Variants in DCHS1 observed in about 807,000 individuals in gnomAD.
DCHS1 encodes the protein protocadherin-16.
In DCHS1, 78 loss-of-function variants were observed where a neutral mutation model predicts 213.9. The observed-to-expected ratio is 0.36, with a 90% CI of 0.30 to 0.44. The LOEUF (loss-of-function observed/expected upper bound fraction) is 0.44. Ranked by LOEUF, DCHS1 falls within the 20% of genes least tolerant of loss-of-function variation. The pLI is 1.00. For synonymous variants in DCHS1, 1,828 were observed against 1,873.7 expected, an observed-to-expected ratio of 0.98 and a Z score of 0.63; for missense variants, 3,946 against 4,395.9, an observed-to-expected ratio of 0.90 and a Z score of 2.89.
intron 1 of DCHS1, among the ~76,000 whole-genome samples, chr11:6,654,552 G>A (rs1008039814): frequency 6.6e-6 from 1 of 152,118 alleles, no homozygotes; most frequent in Non-Finnish European, 1.5e-5. Flanking sequence ...GTGGGTGTGT[G>A]TTGTCATGAG....
At position 6,630,759 on chromosome 11, in the gene DCHS1, C is replaced by T. The variant is rs1157517255; in HGVS notation, c.4035G>A (p.Leu1345=). The change falls in exon 10 of 21, where the codon CTG becomes CTA. Residue 1345 remains leucine (L), a synonymous_variant. Transcript: ENST00000299441. ...CCGAGCCCAACAGAGAGCCGGGCCG[C>T]AGTCCCTCAGCTGCTGTCACCGTCA... The part of the protein sequence containing the change: ...VVLTVTAAEG[L]RPGSLLGSVA... The T allele has an allele frequency of 1.9e-6, 3 of 1,546,532 alleles. No individual in the cohort carries two copies. In the South Asian group the frequency reaches 3.6e-5, roughly 18 times the overall value.
chr11:6,643,617 C>T (rs1589962058), intron 1 of DCHS1, among the ~76,000 whole-genome samples: 1 of 152,142 alleles, frequency 6.6e-6, no homozygotes, highest in Admixed American at 6.5e-5. Context: ...TGGTGCTTTT[C>T]GGGGTTCAGT....
intron 9 of DCHS1, 44 bp from the exon 10 acceptor site, chr11:6,630,907 G>C: frequency 6.7e-7 from 1 of 1,495,802 alleles, no homozygotes; most frequent in South Asian, 1.3e-5. Flanking sequence ...GAGGGCCCGT[G>C]TAAAAGGGGA....
Position 6,621,468 on chromosome 11 carries a change from CAATA to C in DCHS1, c.*307_*310del, listed in dbSNP as rs1370366763. On this transcript the variant is annotated 3_prime_UTR_variant, in exon 21 of 21. Transcript: ENST00000299441. ...GGGACCTCCTCCATCCCCCTACCCC[CAATA>C]AATAAAGTCTCAGCTCCATCTCAGG... 3 of 479,328 alleles carry C rather than the reference CAATA, an allele frequency of 6.3e-6. No individual in the cohort carries two copies. The highest frequency in any genetic ancestry group is 2.0e-5 in the African/African-American group (1 of 51,130). The allele number at this position is 479,328 out of a possible 1,614,324, so 29.7% of individuals were successfully genotyped here.
In DCHS1 at chr11:6,641,793, C is replaced by G; in HGVS notation, c.-120-60G>C. ...AGGAGGGATCAGCAGTCCAGATAAC[C>G]TGGACGAGGCCACATCAACATTCAG... On this transcript the variant is annotated intron_variant, in intron 1 of 20. Transcript: ENST00000299441. This position sits in a 1 kb window ranked among gnomAD's most constrained non-coding sequence, Gnocchi z 7.1. The G allele has an allele frequency of 7.4e-7, 1 of 1,353,446 alleles. No homozygotes were observed. 83.8% of individuals were successfully genotyped at this position (1,353,446 alleles called of 1,614,324 possible).
Position 6,630,714 on chromosome 11 carries a change from C to A in DCHS1, c.4080G>T (p.Ala1360=). 1 of 1,544,220 alleles carries A rather than the reference C, an allele frequency of 6.5e-7. No homozygotes were observed. The highest frequency in any genetic ancestry group is 8.7e-7 in the Non-Finnish European group (1 of 1,147,764). Residue 1360 remains alanine (A), a synonymous_variant, in exon 10 of 21, where the codon GCG becomes GCT. Transcript: ENST00000299441. The stretch of plus-strand genomic sequence containing the variant: ...GTGTGTAGGTGAGTGCACCCACACC[C>A]GCGGGCTCTGGCGCTGCCACCGAGC... The part of the protein sequence containing the change: ...LLGSVAAPEP[A]GVGALTYTLV...
intron 1 of DCHS1, among the ~76,000 whole-genome samples, chr11:6,650,142 T>C (rs1405187039): frequency 6.6e-6 from 1 of 152,206 alleles, no homozygotes; most frequent in Admixed American, 6.5e-5. Context: ...TCCTTCTTTC[T>C]CTCTCACCAT....
intron 10 of DCHS1, 21 bp downstream of exon 10, chr11:6,629,978 A>G: frequency 6.3e-7 from 1 of 1,584,922 alleles, no homozygotes. Context: ...CCTCGCCCTC[A>G]CTCCCAGACC....
Position 6,621,574 on chromosome 11 carries a change from G to C in DCHS1, c.*205C>G. 1 of 713,704 alleles carries C rather than the reference G, an allele frequency of 1.4e-6. No individual in the cohort carries two copies. The highest frequency in any genetic ancestry group is 1.5e-5 in the South Asian group (1 of 66,800). 44.2% of individuals were successfully genotyped at this position (713,704 alleles called of 1,614,324 possible). A position where few individuals can be genotyped will look rare whatever the true frequency, so the allele number is the denominator to read the frequency against. Reference sequence around the variant, plus strand: ...CTCCTTCATATTTCTCCCCACATTGGACCTGGTCACAGGTCAGTGAGCAAC... The same window carrying C: ...CTCCTTCATATTTCTCCCCACATTGCACCTGGTCACAGGTCAGTGAGCAAC... On this transcript the variant is annotated 3_prime_UTR_variant, in exon 21 of 21. Coordinates refer to ENST00000299441, the MANE Select transcript of DCHS1 (RefSeq NM_003737.4).
rs1855736930 is a variant in DCHS1 at position 6,623,339 on chromosome 11, T to C, written c.8337A>G (p.Glu2779=). 1 of 1,595,960 alleles carries C rather than the reference T, an allele frequency of 6.3e-7. No homozygotes were observed. Among genetic ancestry groups the C allele is most frequent in the Non-Finnish European group, 8.5e-7 (1 of 1,171,180 alleles). Residue 2779 remains glutamate (E), a synonymous_variant, in exon 21 of 21, where the codon GAA becomes GAG. Transcript: ENST00000299441. ...CAGCACCCACCAGCAGCCGGAAGCTTTCTGTGTGCTCATAGTCAAAGGGCA... is the reference window on the plus strand; with the variant it reads ...CAGCACCCACCAGCAGCCGGAAGCTCTCTGTGTGCTCATAGTCAAAGGGCA... ...ARVPFDYEHT[E]SFRLLVGAAD... is the part of the protein sequence containing the mutation.
At chr11:6,653,692 T>C (rs1161200020) in intron 1 of DCHS1, among the ~76,000 whole-genome samples, 1 of 152,164 alleles carries the variant, frequency 6.6e-6, no homozygotes, top group Non-Finnish European at 1.5e-5. Context: ...GAAATCATTC[T>C]AGTTAGGGGC....
intron 11 of DCHS1, 33 bp downstream of exon 11, chr11:6,629,639 A>G: frequency 6.2e-7 from 1 of 1,612,632 alleles, no homozygotes; most frequent in Non-Finnish European, 8.5e-7. Flanking sequence ...GCCCCAGTCC[A>G]TCCCACTCAT....
Position 6,630,220 on chromosome 11 carries a change from C to T in DCHS1, c.4574G>A (p.Arg1525His), listed in dbSNP as rs774514647. 3 of 1,561,496 alleles carry T rather than the reference C, an allele frequency of 1.9e-6. No homozygotes were observed. The highest frequency in any genetic ancestry group is 2.6e-6 in the Non-Finnish European group (3 of 1,155,802). Reference sequence around the variant, plus strand: ...GCGCGCTGAAACGCGCGCTGCACGACGGCGGCTGGCGTTGGCGGGCCGGTC... The same window carrying T: ...GCGCGCTGAAACGCGCGCTGCACGATGGCGGCTGGCGTTGGCGGGCCGGTC... ...ATDRPANASR[R>H]RAARVSARVF... is the part of the protein sequence containing the mutation. The change falls in exon 10 of 21, where the codon CGT becomes CAT. Residue 1525 changes from arginine to histidine, a missense_variant. Physicochemically the swap from Arg to His is conservative, Grantham distance 29 (BLOSUM62 0). Transcript: ENST00000299441.
rs1408939134 is a variant in DCHS1, at chr11:6,641,680, C to A, written c.-67G>T. 1.4e-6 allele frequency: 2 copies of A among 1,474,358 alleles called. No individual in the cohort carries two copies. The highest frequency in any genetic ancestry group is 2.8e-5 in the African/African-American group (2 of 70,874). The allele number at this position is 1,474,358 out of a possible 1,614,324, so 91.3% of individuals were successfully genotyped here. A position where few individuals can be genotyped will look rare whatever the true frequency, so the allele number is the denominator to read the frequency against. ...CCAGGCTCTGGGCCCAGCTTGACCTCAGACTTTGGGTCAGGTCCCACTGGG... is the reference window on the plus strand; with the variant it reads ...CCAGGCTCTGGGCCCAGCTTGACCTAAGACTTTGGGTCAGGTCCCACTGGG... On this transcript the variant is annotated 5_prime_UTR_variant, in exon 2 of 21. Coordinates refer to ENST00000299441, the MANE Select transcript of DCHS1 (RefSeq NM_003737.4). The surrounding 1 kb of genome is among the most constrained non-coding windows in gnomAD (Gnocchi z 7.1).
intron 1 of DCHS1, among the ~76,000 whole-genome samples, chr11:6,655,319 C>G (rs751897849): frequency 3.3e-5 from 5 of 152,030 alleles, no homozygotes; most frequent in Non-Finnish European, 5.9e-5. Context: ...GCACCCCACA[C>G]CCCCGGCGCA....
chr11:6,645,082 G>A (rs1295086197), intron 1 of DCHS1, among the ~76,000 whole-genome samples: 1 of 152,234 alleles, frequency 6.6e-6, no homozygotes, highest in Non-Finnish European at 1.5e-5. Flanking sequence ...GTGGGGTTTT[G>A]TGAAAATTAG....
At chr11:6,639,471 T>C (rs1856033206) in intron 2 of DCHS1, among the ~76,000 whole-genome samples, 1 of 152,162 alleles carries the variant, frequency 6.6e-6, no homozygotes, top group South Asian at 2.1e-4. Flanking sequence ...TCTGGTGTCT[T>C]CTTTGGGGAA....
At position 6,627,596 on chromosome 11, in the gene DCHS1, T is replaced by C. The variant is rs1855832028; in HGVS notation, c.5443A>G (p.Arg1815Gly). The C allele has an allele frequency of 6.2e-7, 1 of 1,613,134 alleles. No homozygotes were observed. The highest frequency in any genetic ancestry group is 1.6e-4 in the Middle Eastern group (1 of 6,062). ...GEFGTMRPLD[R>G]EVEPAFQLRI... is the part of the protein sequence containing the mutation. Reference sequence around the variant, plus strand: ...AGCTGGAAAGCTGGCTCCACTTCTCTGTCTAGTGGCCGCATGGTGCCAAAC... The same window carrying C: ...AGCTGGAAAGCTGGCTCCACTTCTCCGTCTAGTGGCCGCATGGTGCCAAAC... The change falls in exon 14 of 21, where the codon AGA becomes GGA. Residue 1815 changes from arginine to glycine, a missense_variant. Arg to Gly is a moderately radical substitution (Grantham distance 125). This residue lies in a region of DCHS1 where 3,384 missense variants were observed against 3,780.1 expected (regional missense o/e 0.90). Transcript: ENST00000299441. This position sits in a 1 kb window ranked among gnomAD's most constrained non-coding sequence, Gnocchi z 5.4.
Position 6,641,756 on chromosome 11 carries a change from G to A in DCHS1, c.-120-23C>T, listed in dbSNP as rs150612423. 1.3e-5 allele frequency: 19 copies of A among 1,432,398 alleles called. No individual in the cohort carries two copies. Among genetic ancestry groups the A allele is most frequent in the African/African-American group, 2.9e-5 (2 of 69,652 alleles). 88.7% of individuals were successfully genotyped at this position (1,432,398 alleles called of 1,614,324 possible). On this transcript the variant is annotated intron_variant, in intron 1 of 20. Coordinates refer to ENST00000299441, the MANE Select transcript of DCHS1 (RefSeq NM_003737.4). This position sits in a 1 kb window ranked among gnomAD's most constrained non-coding sequence, Gnocchi z 7.1. The stretch of plus-strand genomic sequence containing the variant: ...GACCTGGGAGAAAACAGAAGGAAAC[G>A]GGTCATGACAGAGGAGGGATCAGCA...
Sources: allele counts gnomAD v4.1 joint callset (sites outside exome capture counted in the v4.1 genomes callset), GRCh38; gene constraint gnomAD v4.1.1; regional missense constraint gnomAD v4.1.1; non-coding constraint Gnocchi (gnomAD v3.1); transcripts MANE v1.5; gene names NCBI Gene and HGNC (gene_info 2026-07-23, HGNC 2026-07-21).